Variants in PPFIBP1 observed in about 807,000 individuals in gnomAD.
PPFIBP1 encodes the protein liprin-beta-1.
A neutral mutation model predicts 137.8 loss-of-function variants in PPFIBP1; 112 were observed. That is an observed-to-expected ratio of 0.81 (90% CI 0.70 to 0.95). The LOEUF (loss-of-function observed/expected upper bound fraction) is 0.95, where lower values mean the gene tolerates loss of function less well. Among genes scored for constraint, PPFIBP1 ranks in the 40% least tolerant of loss-of-function variants. The pLI is 0.00. For synonymous variants in PPFIBP1, 378 were observed against 417.3 expected (o/e 0.91, Z 1.15); for missense variants, 1,083 against 1,196.6 (o/e 0.91, Z 1.40).
chr12:27,655,311 T>G (rs2059129994), intron 8 of PPFIBP1: 3 of 1,023,478 alleles, frequency 2.9e-6, no homozygotes, highest in Middle Eastern at 2.0e-4. Flanking sequence ...GATGATGTTT[T>G]TAGTGGCATG....
intron 4 of PPFIBP1, chr12:27,636,037 G>A (rs914449451): frequency 1.3e-5 from 2 of 152,134 alleles, no homozygotes; most frequent in African/African-American, 2.4e-5. Flanking sequence ...TGAAAGAATC[G>A]TGATCTACTT....
intron 2 of PPFIBP1, among the ~76,000 whole-genome samples, chr12:27,625,511 T>G (rs1236001153): frequency 1.3e-5 from 2 of 151,838 alleles, no homozygotes; most frequent in East Asian, 3.9e-4. Context: ...AAGTCCTTAA[T>G]ATCAAATACA....
intron 2 of PPFIBP1, among the ~76,000 whole-genome samples, chr12:27,632,361 G>A (rs2057324984): frequency 6.6e-6 from 1 of 152,200 alleles, no homozygotes; most frequent in Non-Finnish European, 1.5e-5. Flanking sequence ...CTCTATCACA[G>A]TATCTATAAC....
At chr12:27,652,126 C>G (rs1445741004) in intron 7 of PPFIBP1, among the ~76,000 whole-genome samples, 2 of 152,026 alleles carry the variant, frequency 1.3e-5, no homozygotes, top group East Asian at 3.8e-4. Context: ...TGTTATCGTC[C>G]CCTTAATAAA....
At chr12:27,573,838 A>G (rs2050335933) in intron 1 of PPFIBP1, among the ~76,000 whole-genome samples, 1 of 151,972 alleles carries the variant, frequency 6.6e-6, no homozygotes, top group Non-Finnish European at 1.5e-5. Flanking sequence ...AAAATAATAA[A>G]CTAGTCAAGC....
In PPFIBP1 at chr12:27,565,768, C is replaced by T. The variant is rs1045452411; in HGVS notation, c.-123-12384C>T. On this transcript the variant is annotated intron_variant, in intron 1 of 29. Transcript: ENST00000228425. ...TAACACCTACAGTCGTTTGTCTTCA[C>T]GACTTCTCTGAAGCTGTCTCATTCC... 7.3e-5 allele frequency among the ~76,000 whole-genome samples: 11 copies of T among 150,486 alleles called. No individual in the cohort carries two copies. The East Asian group carries it at 1.7e-3, about 23-fold the overall frequency.
At chr12:27,609,796 A>G (rs2138087381) in intron 2 of PPFIBP1, among the ~76,000 whole-genome samples, 1 of 152,284 alleles carries the variant, frequency 6.6e-6, no homozygotes, top group Non-Finnish European at 1.5e-5. Context: ...TTCCTGAACT[A>G]AAGGTGTTTA....
chr12:27,604,434 G>A (rs2054302762), intron 2 of PPFIBP1, among the ~76,000 whole-genome samples: 1 of 152,142 alleles, frequency 6.6e-6, no homozygotes, highest in South Asian at 2.1e-4. Flanking sequence ...ATGTCTCTTG[G>A]CATCTCTTTG....
At chr12:27,687,675 G>A (rs1331943044) in intron 25 of PPFIBP1, among the ~76,000 whole-genome samples, 168 bp downstream of exon 25, 3 of 152,032 alleles carry the variant, frequency 2.0e-5, no homozygotes, top group South Asian at 4.1e-4. Context: ...TCTCCATGAC[G>A]GTTCCCCTTG....
rs115722048 is a variant in PPFIBP1 at position 27,589,639 on chromosome 12, C to T, written c.-36+11400C>T. On this transcript the variant is annotated intron_variant, in intron 2 of 29. Transcript: ENST00000228425. ...ATACCTGCCAAGCAGGTTTATGAAA[C>T]ACTGATGAATAAACACAAGTATGTC... 2.9e-3 allele frequency among the ~76,000 whole-genome samples: 443 copies of T among 152,282 alleles called. 2 individuals carry two copies. Among genetic ancestry groups the T allele is most frequent in the African/African-American group, 0.01 (416 of 41,560 alleles).
intron 26 of PPFIBP1, 29 bp from the exon 27 acceptor site, chr12:27,688,986 G>T: frequency 6.4e-7 from 1 of 1,572,466 alleles, no homozygotes; most frequent in South Asian, 1.2e-5. Flanking sequence ...GGTGACTTTT[G>T]ACAAGCTTTT....
intron 2 of PPFIBP1, among the ~76,000 whole-genome samples, chr12:27,607,670 G>T (rs1046680370): frequency 6.6e-6 from 1 of 152,166 alleles, no homozygotes; most frequent in Non-Finnish European, 1.5e-5. Context: ...TGCTCTTAAT[G>T]AATTTGGTGT....
chr12:27,659,764 T>C (rs946630259), intron 10 of PPFIBP1, among the ~76,000 whole-genome samples: 1 of 152,166 alleles, frequency 6.6e-6, no homozygotes, highest in African/African-American at 2.4e-5. Flanking sequence ...CAATGCTGAA[T>C]GATGCACCAC....
At chr12:27,676,698 C>T in intron 18 of PPFIBP1, 99 bp downstream of exon 18, 1 of 1,221,268 alleles carries the variant, frequency 8.2e-7, no homozygotes, top group Non-Finnish European at 1.1e-6. Flanking sequence ...ATTCATTTCT[C>T]TTTCTCAGAA....
chr12:27,648,573 C>G (rs1308400697), intron 6 of PPFIBP1, among the ~76,000 whole-genome samples: 2 of 152,194 alleles, frequency 1.3e-5, no homozygotes, highest in Non-Finnish European at 2.9e-5. Flanking sequence ...GCTCTGTTCA[C>G]AGCCACCAAG....
intron 13 of PPFIBP1, among the ~76,000 whole-genome samples, chr12:27,668,100 C>A (rs2059970309): frequency 6.6e-6 from 1 of 152,090 alleles, no homozygotes; most frequent in African/African-American, 2.4e-5. Context: ...ATATAATCTA[C>A]CCTCTGGCTA....
In PPFIBP1 at chr12:27,692,924, T is replaced by C. The variant is rs769881375; in HGVS notation, c.*42T>C. 1 of 1,610,108 alleles carries C rather than the reference T, an allele frequency of 6.2e-7. No homozygotes were observed. Among genetic ancestry groups the C allele is most frequent in the Non-Finnish European group, 8.5e-7 (1 of 1,178,288 alleles). ...AACATTAGGAGTGCTTAGTCTTTTT[T>C]CTACTTGCTTTTCCAAACACTCACA... On this transcript the variant is annotated 3_prime_UTR_variant, in exon 30 of 30. Transcript: ENST00000228425.
intron 2 of PPFIBP1, among the ~76,000 whole-genome samples, chr12:27,616,156 A>G (rs772343378): frequency 1.3e-5 from 2 of 150,284 alleles, no homozygotes; most frequent in Non-Finnish European, 3.0e-5. Flanking sequence ...TTTATACCCC[A>G]TCTGCATTGT....
intron 1 of PPFIBP1, among the ~76,000 whole-genome samples, chr12:27,538,598 A>G (rs1945308596): frequency 6.6e-6 from 1 of 152,228 alleles, no homozygotes; most frequent in Non-Finnish European, 1.5e-5. Flanking sequence ...GTTGAAGACC[A>G]TGACTGCCTT....
Sources: gnomAD v4.1 joint callset for allele counts (sites outside exome capture counted in the v4.1 genomes callset) on GRCh38, gnomAD v4.1.1 for gene constraint, MANE v1.5 for transcripts, NCBI Gene and HGNC (gene_info 2026-07-23, HGNC 2026-07-21) for gene names.